The following SEMA6D variants were observed in gnomAD, a reference collection of about 807,000 sequenced individuals.
SEMA6D encodes the protein semaphorin 6D, also known as semaphorin-6D.
A neutral mutation model predicts 106.6 loss-of-function variants in SEMA6D; 35 were observed. The ratio of observed to expected loss-of-function variants is 0.33; its 90% CI spans 0.25 to 0.44. The LOEUF is 0.44. Ranked by LOEUF, SEMA6D falls within the 20% of genes least tolerant of loss-of-function variation. The pLI is 1.00. For synonymous variants in SEMA6D, 499 were observed against 487.7 expected, an observed-to-expected ratio of 1.02 and a Z score of -0.31; for missense variants, 1,185 against 1,345.9, an observed-to-expected ratio of 0.88 and a Z score of 1.87.
At chr15:47,431,552 G>A (rs149352751) in intron 2 of SEMA6D, among the ~76,000 whole-genome samples, 1 of 152,190 alleles carries the variant, frequency 6.6e-6, no homozygotes, top group Non-Finnish European at 1.5e-5. Context: ...ACACCTTCTT[G>A]GTAGACATAG....
At chr15:47,291,483 C>A (rs1440670602) in intron 1 of SEMA6D, among the ~76,000 whole-genome samples, 2 of 152,126 alleles carry the variant, frequency 1.3e-5, no homozygotes, top group African/African-American at 4.8e-5. Context: ...ATGACTGGAG[C>A]CTTTAGGAAG....
chr15:47,556,952 C>G (rs537259397), intron 3 of SEMA6D, among the ~76,000 whole-genome samples: 1 of 152,176 alleles, frequency 6.6e-6, no homozygotes, highest in Non-Finnish European at 1.5e-5. Context: ...GTTCATCTTT[C>G]TCAGTCTTGA....
chr15:47,230,288 A>G (rs2032102865), intron 1 of SEMA6D, among the ~76,000 whole-genome samples: 1 of 152,062 alleles, frequency 6.6e-6, no homozygotes, highest in South Asian at 2.1e-4. Flanking sequence ...TTTTTCTTAT[A>G]CAGAATATAA....
intron 1 of SEMA6D, among the ~76,000 whole-genome samples, chr15:47,301,124 T>C (rs1414155392): frequency 6.6e-6 from 1 of 152,212 alleles, no homozygotes; most frequent in Non-Finnish European, 1.5e-5. Context: ...CGAGTTCTTG[T>C]CTTTGGCAAA....
chr15:47,507,984 T>G (rs2044104382), intron 3 of SEMA6D, among the ~76,000 whole-genome samples: 1 of 152,114 alleles, frequency 6.6e-6, no homozygotes, highest in African/African-American at 2.4e-5. Context: ...TTAAGGAAAA[T>G]GTAAAGAGAT....
intron 4 of SEMA6D, among the ~76,000 whole-genome samples, chr15:47,693,217 T>G (rs1240609291): frequency 6.6e-6 from 1 of 152,030 alleles, no homozygotes; most frequent in African/African-American, 2.4e-5. Flanking sequence ...AAAGGCAATG[T>G]GAAGAGACAT....
rs772539920 is a variant in SEMA6D, at chr15:47,342,959, C to T, written c.-238-69434C>T. Among the ~76,000 whole-genome samples, 14 of 152,114 alleles carry T rather than the reference C, an allele frequency of 9.2e-5. No individual in the cohort carries two copies. In the East Asian group the frequency reaches 1.2e-3, roughly 13 times the overall value. ...GACTCCTCACCTCATGTGATTTGCC[C>T]GCCTCAACTTCCCAAAGTGCTGGGA... On this transcript the variant is annotated intron_variant, in intron 1 of 19. Coordinates refer to the SEMA6D transcript ENST00000558014.
At chr15:47,578,753 T>C (rs776226775) in intron 3 of SEMA6D, among the ~76,000 whole-genome samples, 3 of 152,156 alleles carry the variant, frequency 2.0e-5, no homozygotes, top group Non-Finnish European at 4.4e-5. Context: ...TTTATGGATG[T>C]GTACCTATGT....
At chr15:47,494,987 A>T (rs1026717352) in intron 3 of SEMA6D, among the ~76,000 whole-genome samples, 4 of 151,164 alleles carry the variant, frequency 2.6e-5, no homozygotes, top group African/African-American at 9.7e-5. Flanking sequence ...AGTAATGTTT[A>T]ACTATTCCCA....
At chr15:47,577,458 T>G (rs1324226483) in intron 3 of SEMA6D, among the ~76,000 whole-genome samples, 2 of 152,244 alleles carry the variant, frequency 1.3e-5, no homozygotes, top group African/African-American at 2.4e-5. Flanking sequence ...TAAAAAGAGA[T>G]AATTTGCAAG....
intron 1 of SEMA6D, among the ~76,000 whole-genome samples, chr15:47,386,087 A>G (rs2039829536): frequency 6.6e-6 from 1 of 152,236 alleles, no homozygotes; most frequent in South Asian, 2.1e-4. Context: ...CCATAGGACA[A>G]TGCCTGGGAT....
intron 1 of SEMA6D, among the ~76,000 whole-genome samples, chr15:47,736,169 G>A (rs1406278030): frequency 6.6e-6 from 1 of 152,152 alleles, no homozygotes; most frequent in African/African-American, 2.4e-5. Context: ...TTGTGTAGCA[G>A]TAGGCTGTTT....
rs1270848057 is a variant in SEMA6D at position 47,772,257 on chromosome 15, A to G, written c.*472A>G. ...CAAAGAAATGAACTTGTAGATTACCAAGCAGTTTGCTAAAAATTCAATCTT... is the reference window on the plus strand; with the variant it reads ...CAAAGAAATGAACTTGTAGATTACCGAGCAGTTTGCTAAAAATTCAATCTT... On this transcript the variant is annotated 3_prime_UTR_variant, in exon 19 of 19. Transcript: ENST00000536845. 1 of 157,114 alleles carries G rather than the reference A, an allele frequency of 6.4e-6. No homozygotes were observed. The highest frequency in any genetic ancestry group is 1.4e-5 in the Non-Finnish European group (1 of 70,698). 9.7% of individuals were successfully genotyped at this position (157,114 alleles called of 1,614,324 possible).
chr15:47,656,643 A>G (rs184402692), intron 4 of SEMA6D, among the ~76,000 whole-genome samples: 3 of 152,330 alleles, frequency 2.0e-5, no homozygotes, highest in Admixed American at 2.0e-4. Context: ...GCTTCTAGGA[A>G]GCCTTCAAAC....
chr15:47,317,880 T>G (rs1220544997), intron 1 of SEMA6D, among the ~76,000 whole-genome samples: 1 of 152,124 alleles, frequency 6.6e-6, no homozygotes, highest in Non-Finnish European at 1.5e-5. Flanking sequence ...GCTTTTGGGA[T>G]CTATAATTTT....
intron 1 of SEMA6D, among the ~76,000 whole-genome samples, chr15:47,741,037 AAAT>A (rs1382461790): frequency 1.3e-5 from 2 of 152,224 alleles, no homozygotes; most frequent in African/African-American, 4.8e-5. Flanking sequence ...TAGAAAGGGG[AAAT>A]AATGATGCTT....
At chr15:47,678,712 G>T (rs1487731670) in intron 4 of SEMA6D, among the ~76,000 whole-genome samples, 2 of 151,674 alleles carry the variant, frequency 1.3e-5, no homozygotes, top group Admixed American at 6.6e-5. Flanking sequence ...TAATGGCTAA[G>T]ATTTATTTAG....
At chr15:47,312,148 T>TTTA (rs2036473442) in intron 1 of SEMA6D, among the ~76,000 whole-genome samples, 2 of 148,664 alleles carry the variant, frequency 1.3e-5, no homozygotes, top group South Asian at 4.2e-4. Context: ...TTTCTAGGGT[T>TTTA]TTTTTTTTTT....
At chr15:47,765,795 G>T (rs1597077671) in intron 13 of SEMA6D, 74 bp from the exon 14 acceptor site, 1 of 1,339,942 alleles carries the variant, frequency 7.5e-7, no homozygotes, top group East Asian at 2.5e-5. Flanking sequence ...GATTTCCCAG[G>T]TCTCAGTAAT....
Sources: gnomAD v4.1 joint callset for allele counts (sites outside exome capture counted in the v4.1 genomes callset) on GRCh38, gnomAD v4.1.1 for gene constraint, MANE v1.5 for transcripts, NCBI Gene and HGNC (gene_info 2026-07-23, HGNC 2026-07-21) for gene names.